ROBO2: variants seen among roughly 807,000 people sequenced by gnomAD.
ROBO2 encodes the protein roundabout homolog 2.
Under a neutral mutation model 160.8 loss-of-function variants are expected in ROBO2, and 53 were observed. That is an observed-to-expected ratio of 0.33 (90% CI 0.26 to 0.41). ROBO2 has a LOEUF of 0.41. Ranked by LOEUF, ROBO2 falls within the 10% of genes least tolerant of loss-of-function variation. ROBO2 has a pLI of 1.00. For missense variants in ROBO2, 1,577 were observed against 1,722.4 expected (o/e 0.92, Z 1.49); for synonymous variants, 664 against 611.7 (o/e 1.09, Z -1.26).
chr3:76,538,317 C>T (rs1387880096), intron 2 of ROBO2, among the ~76,000 whole-genome samples: 7 of 152,292 alleles, frequency 4.6e-5, no homozygotes, highest in East Asian at 1.9e-4. Context: ...CTCTTTTCTA[C>T]GTAGGCAATT....
At chr3:76,143,901 G>A (rs2071784880) in intron 2 of ROBO2, among the ~76,000 whole-genome samples, 1 of 151,978 alleles carries the variant, frequency 6.6e-6, no homozygotes, top group Admixed American at 6.6e-5. Flanking sequence ...CTGTAAGGTG[G>A]GAGAACAGTG....
rs756618857 is a variant in ROBO2, at chr3:77,644,686, GT to G, written c.3935-10del. ...TGTTTCTGTTCAATTTAGCCTTTGG[GT>G]TTTTTTTCTTTTTCAGAGGAGGCCT... On this transcript the variant is annotated splice_polypyrimidine_tract_variant and intron_variant, in intron 24 of 25. Transcript: ENST00000461745. 8.7e-6 allele frequency: 14 copies of G among 1,611,850 alleles called. No individual in the cohort carries two copies. Among genetic ancestry groups the G allele is most frequent in the Non-Finnish European group, 1.2e-5 (14 of 1,178,698 alleles).
chr3:77,196,974 A>G (rs1380061699), intron 2 of ROBO2, among the ~76,000 whole-genome samples: 1 of 147,562 alleles, frequency 6.8e-6, no homozygotes, highest in Non-Finnish European at 1.5e-5. Flanking sequence ...TGCTTTTGAT[A>G]AAGAAGAAGG....
At chr3:76,311,451 A>G (rs1183041615) in intron 2 of ROBO2, 1 of 152,216 alleles carries the variant, frequency 6.6e-6, no homozygotes, top group Non-Finnish European at 1.5e-5. Flanking sequence ...AAAGATCTAA[A>G]TGGAGTTAGC....
At chr3:76,806,799 T>C (rs1346551870) in intron 2 of ROBO2, among the ~76,000 whole-genome samples, 1 of 152,058 alleles carries the variant, frequency 6.6e-6, no homozygotes, top group African/African-American at 2.4e-5. Flanking sequence ...GATATACGTA[T>C]ACATATCAGA....
Position 76,032,511 on chromosome 3 carries a change from T to C in ROBO2, c.109+94909T>C, listed in dbSNP as rs369333932. On this transcript the variant is annotated intron_variant, in intron 2 of 26. Transcript: ENST00000487694. ...GGGCATTTAGTGCTATAAATTTCCCTCTACGCACTGCTTTAAGTGTGTCCC... is the reference window on the plus strand; with the variant it reads ...GGGCATTTAGTGCTATAAATTTCCCCCTACGCACTGCTTTAAGTGTGTCCC... Among the ~76,000 whole-genome samples the C allele has an allele frequency of 2.6e-5, 4 of 152,238 alleles. No individual in the cohort carries two copies. In the South Asian group the frequency reaches 8.3e-4, roughly 32 times the overall value.
chr3:76,444,861 G>T (rs1284159342), intron 2 of ROBO2, among the ~76,000 whole-genome samples: 2 of 152,058 alleles, frequency 1.3e-5, no homozygotes, highest in Non-Finnish European at 2.9e-5. Flanking sequence ...CATTTACAAT[G>T]TTATTAAAAA....
intron 2 of ROBO2, among the ~76,000 whole-genome samples, chr3:75,991,279 T>G (rs567880725): frequency 6.6e-6 from 1 of 152,298 alleles, no homozygotes; most frequent in South Asian, 2.1e-4. Context: ...GGTTTGGGTG[T>G]GTCCCCACCC....
rs373881521 is a variant in ROBO2 at position 76,952,378 on chromosome 3, G to A, written c.110-145636G>A. On this transcript the variant is annotated intron_variant, in intron 2 of 26. Transcript: ENST00000487694. ...GCTCACCACAACCTCCGCCTCCCGG[G>A]TTCAAGTGATTCTCCTGCCTCAGCC... Among the ~76,000 whole-genome samples, 65 of 152,226 alleles carry A rather than the reference G, an allele frequency of 4.3e-4. 1 individual carries two copies. The East Asian group carries it at 0.013, about 29-fold the overall frequency.
intron 2 of ROBO2, among the ~76,000 whole-genome samples, chr3:76,752,840 G>T (rs1189989427): frequency 1.3e-5 from 2 of 151,694 alleles, no homozygotes; most frequent in Admixed American, 6.6e-5. Flanking sequence ...TAAGGCTTTA[G>T]GGACTTTTTT....
At chr3:76,716,012 T>G (rs267147) in intron 2 of ROBO2, among the ~76,000 whole-genome samples, 69,473 of 151,990 alleles carry the variant, frequency 0.46, 16,518 homozygotes, top group Non-Finnish European at 0.53. Context: ...TGTTCTGAAA[T>G]ATTTTATCAA....
At chr3:77,200,446 T>G (rs2082799484) in intron 2 of ROBO2, among the ~76,000 whole-genome samples, 1 of 150,972 alleles carries the variant, frequency 6.6e-6, no homozygotes, top group South Asian at 2.1e-4. Flanking sequence ...ACACAATAAA[T>G]GCAACTTTTA....
intron 2 of ROBO2, among the ~76,000 whole-genome samples, chr3:77,476,117 C>G (rs891658022): frequency 6.6e-6 from 1 of 152,042 alleles, no homozygotes; most frequent in African/African-American, 2.4e-5. Flanking sequence ...AAAGAAAAAC[C>G]CTGAAGTCAC....
At chr3:77,141,883 T>A (rs1221828992) in intron 2 of ROBO2, among the ~76,000 whole-genome samples, 4 of 152,210 alleles carry the variant, frequency 2.6e-5, no homozygotes, top group Non-Finnish European at 5.9e-5. Flanking sequence ...ACTGCCATAT[T>A]CCTCTAGCCG....
rs200664386 is a variant in ROBO2, at chr3:77,179,134, AT to A, written c.388+80795del. On this transcript the variant is annotated intron_variant, in intron 2 of 25. Transcript: ENST00000461745. ...AATGAAAGGCTATTTTTTTTTAAAA[AT>A]CTGTCTTTTCCTAATAAAAATTCAA... 1.8e-3 allele frequency among the ~76,000 whole-genome samples: 278 copies of A among 151,334 alleles called. 2 individuals carry two copies. Among genetic ancestry groups the A allele is most frequent in the African/African-American group, 6.4e-3 (261 of 40,878 alleles).
chr3:76,816,084 G>A (rs1177474424), intron 2 of ROBO2, among the ~76,000 whole-genome samples: 1 of 152,054 alleles, frequency 6.6e-6, no homozygotes, highest in East Asian at 1.9e-4. Flanking sequence ...CAGCAGAGAA[G>A]ATTTTAAATT....
intron 2 of ROBO2, among the ~76,000 whole-genome samples, chr3:75,971,946 T>A (rs1028995711): frequency 6.6e-6 from 1 of 151,632 alleles, no homozygotes; most frequent in African/African-American, 2.4e-5. Flanking sequence ...ATTTGTTATT[T>A]TTATTGGTTA....
At chr3:77,006,303 A>G (rs2061573539) in intron 2 of ROBO2, among the ~76,000 whole-genome samples, 1 of 93,406 alleles carries the variant, frequency 1.1e-5, no homozygotes, top group African/African-American at 5.2e-5. Context: ...GAATTTTAAT[A>G]TTTGTGTGTG....
At chr3:77,452,364 C>G (rs964023293) in intron 2 of ROBO2, among the ~76,000 whole-genome samples, 1 of 152,100 alleles carries the variant, frequency 6.6e-6, no homozygotes, top group Non-Finnish European at 1.5e-5. Context: ...GAAATATTAT[C>G]TTTTTCTCCC....
Sources: allele counts gnomAD v4.1 joint callset (sites outside exome capture counted in the v4.1 genomes callset), GRCh38; gene constraint gnomAD v4.1.1; transcripts MANE v1.5; gene names NCBI Gene and HGNC (gene_info 2026-07-23, HGNC 2026-07-21).